Variants in SAMD7 observed in about 807,000 individuals in gnomAD.
SAMD7 encodes the protein sterile alpha motif domain containing 7, also known as sterile alpha motif domain-containing protein 7.
In SAMD7, 34 loss-of-function variants were observed where a neutral mutation model predicts 36.7. The observed-to-expected ratio is 0.93, with a 90% CI of 0.71 to 1.23. SAMD7 has a LOEUF of 1.23. Among genes scored for constraint, SAMD7 ranks in the 50% most tolerant of loss-of-function variants. The probability of loss-of-function intolerance (pLI) is 0.00; values close to 1 mark genes in which losing one functional copy is unlikely to be tolerated. For synonymous variants in SAMD7, 188 were observed against 189.7 expected (o/e 0.99, Z 0.07); for missense variants, 570 against 546.6 (o/e 1.04, Z -0.43).
intron 3 of SAMD7, among the ~76,000 whole-genome samples, chr3:169,919,847 CTGGAG>C (rs922622775): frequency 2.6e-5 from 4 of 152,170 alleles, no homozygotes; most frequent in Non-Finnish European, 4.4e-5. Context: ...GGTGCAAACA[CTGGAG>C]TAATAGTCTT....
intron 7 of SAMD7, 88 bp downstream of exon 7, chr3:169,928,666 C>T: frequency 1.5e-6 from 2 of 1,344,276 alleles, no homozygotes; most frequent in Non-Finnish European, 2.1e-6. Context: ...TTGCATTGTG[C>T]CTCCAGAAAG....
intron 7 of SAMD7, among the ~76,000 whole-genome samples, chr3:169,929,309 T>C (rs957283938): frequency 2.6e-5 from 4 of 152,150 alleles, no homozygotes; most frequent in African/African-American, 4.8e-5. Flanking sequence ...ATAAAGTGCC[T>C]ACTAAATCTA....
In SAMD7 at chr3:169,926,882, A is replaced by G. The variant is rs746517989; in HGVS notation, c.620A>G (p.Glu207Gly). Reference protein sequence around the residue: ...DAESSKSQAEEKILGQTHAVP... With the variant: ...DAESSKSQAEGKILGQTHAVP... ...GAGAGTTCCAAAAGTCAAGCAGAAG[A>G]AAAAATCCTAGGTCAGACTCATGCA... Residue 207 changes from glutamate to glycine, a missense_variant, in exon 6 of 9, where the codon GAA becomes GGA. Physicochemically the swap from Glu to Gly is moderately conservative, Grantham distance 98. Coordinates refer to ENST00000335556, the MANE Select transcript of SAMD7 (RefSeq NM_001304366.2). 1.2e-6 allele frequency: 2 copies of G among 1,613,942 alleles called. No individual in the cohort carries two copies. Among genetic ancestry groups the G allele is most frequent in the South Asian group, 2.2e-5 (2 of 91,068 alleles).
At chr3:169,933,996 G>C (rs1427576285) in intron 7 of SAMD7, among the ~76,000 whole-genome samples, 1 of 152,248 alleles carries the variant, frequency 6.6e-6, no homozygotes, top group East Asian at 1.9e-4. Flanking sequence ...GCCAGAGCCA[G>C]AGAAAACTTT....
intron 1 of SAMD7, 107 bp from the exon 2 acceptor site, chr3:169,915,260 C>T (rs767193946): frequency 5.9e-5 from 9 of 152,380 alleles, no homozygotes; most frequent in Non-Finnish European, 1.2e-4. Flanking sequence ...TTAATTCACT[C>T]AGCCTTTCTT....
In SAMD7 at chr3:169,927,167, G is replaced by T; in HGVS notation, c.905G>T (p.Arg302Leu). 6.5e-7 allele frequency: 1 copy of T among 1,528,928 alleles called. No individual in the cohort carries two copies. The highest frequency in any genetic ancestry group is 2.3e-5 in the East Asian group (1 of 44,314). The allele number at this position is 1,528,928 out of a possible 1,614,324, so 94.7% of individuals were successfully genotyped here. The change falls in exon 6 of 9, where the codon CGA (arginine) becomes CTA (leucine). Residue 302 changes from arginine to leucine, a missense_variant. By Grantham distance (102) the Arg-to-Leu change is moderately radical. Transcript: ENST00000335556. ...AATGGGGTTTGCCCTCCAGTTCCTC[G>T]ACCATCTCTGCCAGGTGGGTGTCCA... ...EKNGVCPPVP[R>L]PSLPGTHALV...
intron 2 of SAMD7, among the ~76,000 whole-genome samples, chr3:169,916,079 C>T (rs1712786630): frequency 6.6e-6 from 1 of 152,008 alleles, no homozygotes; most frequent in Non-Finnish European, 1.5e-5. Context: ...GTGGCAAGAA[C>T]ACTCAACATG....
chr3:169,937,197 A>C (rs879340836), intron 8 of SAMD7, among the ~76,000 whole-genome samples: 1 of 151,858 alleles, frequency 6.6e-6, no homozygotes, highest in African/African-American at 2.4e-5. Context: ...CCACCACTCC[A>C]TCCTGGTCTC....
In SAMD7 at chr3:169,936,507, T is replaced by C. The variant is rs138993828; in HGVS notation, c.1152+58T>C. 3,998 of 913,458 alleles carry C rather than the reference T, an allele frequency of 4.4e-3. 16 individuals are homozygous for C. Among genetic ancestry groups the C allele is most frequent in the Non-Finnish European group, 4.6e-3 (2,606 of 563,030 alleles). The allele number at this position is 913,458 out of a possible 1,614,324, so 56.6% of individuals were successfully genotyped here. A position where few individuals can be genotyped will look rare whatever the true frequency, so the allele number is the denominator to read the frequency against. On this transcript the variant is annotated intron_variant, in intron 8 of 8. Coordinates refer to ENST00000335556, the MANE Select transcript of SAMD7 (RefSeq NM_001304366.2). ...AATGGCACAAAGCTTAATACAAATA[T>C]GTTACTTTTATCTTGTTGTAATATA... is the stretch of plus-strand genomic sequence containing the variant.
chr3:169,921,476 C>T (rs1332327697), intron 4 of SAMD7, 138 bp downstream of exon 4: 2 of 774,572 alleles, frequency 2.6e-6, no homozygotes, highest in South Asian at 1.8e-5. Flanking sequence ...CTGTAGTCAC[C>T]ACCTAGGTTC....
chr3:169,930,836 C>T (rs1410628679), intron 7 of SAMD7, among the ~76,000 whole-genome samples: 2 of 152,180 alleles, frequency 1.3e-5, no homozygotes, highest in East Asian at 3.9e-4. Flanking sequence ...CCACCTCGGC[C>T]TCCCAAAGTG....
intron 4 of SAMD7, among the ~76,000 whole-genome samples, chr3:169,924,315 G>T (rs1389213978): frequency 6.6e-6 from 1 of 152,032 alleles, no homozygotes; most frequent in African/African-American, 2.4e-5. Flanking sequence ...CTGGCCAGGT[G>T]CAGTGGCTCA....
At chr3:169,915,573 ATTTTTTTTTTTTTTTTT>A (rs59645657) in intron 2 of SAMD7, 132 bp downstream of exon 2, 1 of 59,568 alleles carries the variant, frequency 1.7e-5, no homozygotes, top group South Asian at 9.2e-4. Flanking sequence ...TATATATATA[ATTTTTTTTTTTTTTTTT>A]TTTTTTTTTT....
At chr3:169,917,169 T>C (rs1318473047) in intron 2 of SAMD7, among the ~76,000 whole-genome samples, 1 of 152,206 alleles carries the variant, frequency 6.6e-6, no homozygotes, top group Non-Finnish European at 1.5e-5. Context: ...CCAATTTGAT[T>C]AGTGGGGTTA....
intron 2 of SAMD7, among the ~76,000 whole-genome samples, chr3:169,916,503 C>A (rs1368499575): frequency 6.6e-6 from 1 of 152,074 alleles, no homozygotes; most frequent in Non-Finnish European, 1.5e-5. Context: ...AAAAAATTAG[C>A]CGAGCGTGGT....
intron 1 of SAMD7, among the ~76,000 whole-genome samples, 188 bp downstream of exon 1, chr3:169,912,009 C>T (rs1036121784): frequency 2.0e-5 from 3 of 152,126 alleles, no homozygotes; most frequent in Non-Finnish European, 2.9e-5. Flanking sequence ...AAGTTACTAA[C>T]GAGTAAAGAT....
At chr3:169,914,536 C>G (rs190646284) in intron 1 of SAMD7, among the ~76,000 whole-genome samples, 52 of 152,222 alleles carry the variant, frequency 3.4e-4, no homozygotes, top group African/African-American at 1.2e-3. Flanking sequence ...TCTGCAGGCA[C>G]TTGGAATAGC....
At chr3:169,926,412 G>A in intron 5 of SAMD7, 141 bp from the exon 6 acceptor site, 3 of 1,160,682 alleles carry the variant, frequency 2.6e-6, no homozygotes, top group Non-Finnish European at 3.5e-6. Flanking sequence ...CTTCCCAGTG[G>A]CTTTGTGGGG....
intron 5 of SAMD7, chr3:169,926,130 C>A: frequency 1.9e-6 from 1 of 532,534 alleles, no homozygotes; most frequent in South Asian, 1.7e-5. Flanking sequence ...CTGCTCTTCC[C>A]CAGCCACTTG....
Sources: gnomAD v4.1 joint callset for allele counts (sites outside exome capture counted in the v4.1 genomes callset) on GRCh38, gnomAD v4.1.1 for gene constraint, MANE v1.5 for transcripts, NCBI Gene and HGNC (gene_info 2026-07-23, HGNC 2026-07-21) for gene names.